Variants in ADAMTS12 observed in about 807,000 individuals in gnomAD.
ADAMTS12 encodes ADAM metallopeptidase with thrombospondin type 1 motif 12, also known as A disintegrin and metalloproteinase with thrombospondin motifs 12.
A neutral mutation model predicts 167.8 loss-of-function variants in ADAMTS12; 118 were observed. The ratio of observed to expected loss-of-function variants is 0.70; its 90% CI spans 0.61 to 0.82. ADAMTS12 has a LOEUF of 0.82. ADAMTS12 is among the 40% of genes least tolerant of loss of function. The pLI is 0.00. For missense variants in ADAMTS12, 1,916 were observed against 1,998.8 expected, an observed-to-expected ratio of 0.96 and a Z score of 0.79; for synonymous variants, 704 against 716.9, an observed-to-expected ratio of 0.98 and a Z score of 0.29.
intron 13 of ADAMTS12, 70 bp downstream of exon 13, chr5:33,630,710 C>T: frequency 2.6e-6 from 4 of 1,531,588 alleles, no homozygotes; most frequent in Non-Finnish European, 2.7e-6. Context: ...AAACCTAGAA[C>T]ATCTGACTTC....
chr5:33,576,409 CTGCTG>C lies in ADAMTS12; in HGVS notation c.3612_3616del (p.Ser1205GlyfsTer31). The C allele has an allele frequency of 6.2e-7, 1 of 1,613,752 alleles. No individual in the cohort carries two copies. Among genetic ancestry groups the C allele is most frequent in the Non-Finnish European group, 8.5e-7 (1 of 1,179,776 alleles). On this transcript the variant is annotated frameshift_variant, in exon 19 of 24. Transcript: ENST00000504830. LOFTEE classifies it high-confidence loss of function. ...GCTGAAGGGTGGCCACCAGGACTCC[CTGCTG>C]AGATCTGGTGTTAGTGGAGGTGCAA...
intron 16 of ADAMTS12, among the ~76,000 whole-genome samples, chr5:33,602,264 T>C (rs1738225677): frequency 6.6e-6 from 1 of 152,202 alleles, no homozygotes; most frequent in Non-Finnish European, 1.5e-5. Context: ...TAACAGACCA[T>C]TAGATTAGCC....
intron 2 of ADAMTS12, among the ~76,000 whole-genome samples, chr5:33,836,559 G>A (rs1388449431): frequency 1.3e-5 from 2 of 152,174 alleles, no homozygotes; most frequent in African/African-American, 4.8e-5. Context: ...TTACAGCAGG[G>A]GAGGCAGACA....
chr5:33,575,116 T>G (rs1159744632), intron 19 of ADAMTS12, among the ~76,000 whole-genome samples: 1 of 152,182 alleles, frequency 6.6e-6, no homozygotes, highest in African/African-American at 2.4e-5. Flanking sequence ...TCATGCTTAT[T>G]TTCTTCTTCC....
chr5:33,659,047 C>T (rs138703269), intron 6 of ADAMTS12, among the ~76,000 whole-genome samples: 6 of 152,244 alleles, frequency 3.9e-5, no homozygotes, highest in African/African-American at 1.4e-4. Context: ...GAGCTCTTTG[C>T]CAAGAGGGAC....
intron 2 of ADAMTS12, among the ~76,000 whole-genome samples, chr5:33,820,404 C>T (rs528420268): frequency 6.6e-6 from 1 of 152,296 alleles, no homozygotes; most frequent in African/African-American, 2.4e-5. Context: ...TTTGCATTTC[C>T]TATCCTGGAC....
chr5:33,871,275 A>G (rs2111735800), intron 2 of ADAMTS12, among the ~76,000 whole-genome samples: 1 of 152,306 alleles, frequency 6.6e-6, no homozygotes, highest in African/African-American at 2.4e-5. Flanking sequence ...CAAACATGTA[A>G]AGATAACTAA....
intron 3 of ADAMTS12, among the ~76,000 whole-genome samples, chr5:33,741,442 G>T (rs976149653): frequency 2.5e-4 from 38 of 152,216 alleles, no homozygotes; most frequent in Admixed American, 1.8e-3. Flanking sequence ...CCACTATAAT[G>T]ACCTTATTTT....
intron 20 of ADAMTS12, among the ~76,000 whole-genome samples, chr5:33,550,521 G>A (rs1232841300): frequency 3.3e-5 from 5 of 152,096 alleles, no homozygotes; most frequent in Non-Finnish European, 7.4e-5. Flanking sequence ...GGTTCTCCTC[G>A]GGTTAATACA....
intron 2 of ADAMTS12, among the ~76,000 whole-genome samples, chr5:33,853,870 TAACAAGCCCTC>T (rs1325954300): frequency 6.6e-6 from 1 of 152,226 alleles, no homozygotes; most frequent in Non-Finnish European, 1.5e-5. Flanking sequence ...TGTGCATTTC[TAACAAGCCCTC>T]AGGTGATGCC....
intron 2 of ADAMTS12, among the ~76,000 whole-genome samples, chr5:33,860,171 T>G (rs905159115): frequency 6.6e-6 from 1 of 152,102 alleles, no homozygotes; most frequent in South Asian, 2.1e-4. Context: ...CTTTGATGAA[T>G]TGACAAAAGT....
Position 33,643,417 on chromosome 5 carries a change from C to G in ADAMTS12, c.1533G>C (p.Leu511=). Reference sequence around the variant, plus strand: ...ATTGAGTTCCATCTGCAGCAGCGTCCAGCTTAGAGCGACAAAAGCCCTTCA... The same window carrying G: ...ATTGAGTTCCATCTGCAGCAGCGTCGAGCTTAGAGCGACAAAAGCCCTTCA... ...CSVKGFCRSK[L]DAAADGTQCG... The change falls in exon 10 of 24, where the codon CTG becomes CTC. Residue 511 remains leucine (L), a synonymous_variant. Transcript: ENST00000504830. 3 of 1,614,140 alleles carry G rather than the reference C, an allele frequency of 1.9e-6. No individual in the cohort carries two copies. The highest frequency in any genetic ancestry group is 2.5e-6 in the Non-Finnish European group (3 of 1,179,996).
chr5:33,617,006 G>A (rs190928601), intron 14 of ADAMTS12, among the ~76,000 whole-genome samples: 11 of 152,288 alleles, frequency 7.2e-5, no homozygotes, highest in African/African-American at 2.2e-4. Flanking sequence ...TTGGCATTGC[G>A]AAAGGAATTC....
chr5:33,601,108 T>A (rs796117155), intron 16 of ADAMTS12, among the ~76,000 whole-genome samples: 80 of 94,230 alleles, frequency 8.5e-4, no homozygotes, highest in African/African-American at 6.5e-3. Flanking sequence ...CATTTAAGAG[T>A]GTGTGTGTGT....
chr5:33,746,017 C>T (rs73086126), intron 3 of ADAMTS12, among the ~76,000 whole-genome samples: 7,114 of 152,138 alleles, frequency 0.047, 583 homozygotes, highest in African/African-American at 0.16. Flanking sequence ...TATGCACATG[C>T]CACCCCTCCA....
intron 2 of ADAMTS12, among the ~76,000 whole-genome samples, chr5:33,809,874 G>C (rs966943531): frequency 6.6e-6 from 1 of 150,880 alleles, no homozygotes; most frequent in African/African-American, 2.4e-5. Flanking sequence ...CAATTCTTTA[G>C]TAGAGACTGG....
At chr5:33,832,251 A>C (rs982974563) in intron 2 of ADAMTS12, among the ~76,000 whole-genome samples, 18 of 152,186 alleles carry the variant, frequency 1.2e-4, no homozygotes, top group African/African-American at 3.9e-4. Flanking sequence ...TTCATTCCCA[A>C]GTTGTGCCCC....
At chr5:33,559,771 C>A (rs1392317344) in intron 20 of ADAMTS12, among the ~76,000 whole-genome samples, 2 of 152,166 alleles carry the variant, frequency 1.3e-5, no homozygotes, top group African/African-American at 4.8e-5. Context: ...ATCCCAGCTA[C>A]CCGGAGGTTA....
chr5:33,680,920 C>T (rs989825761), intron 5 of ADAMTS12, among the ~76,000 whole-genome samples: 1 of 152,322 alleles, frequency 6.6e-6, no homozygotes, highest in African/African-American at 2.4e-5. Flanking sequence ...CTCTGCTGGA[C>T]ATAAATCATT....
Sources: allele counts gnomAD v4.1 joint callset (sites outside exome capture counted in the v4.1 genomes callset), GRCh38; gene constraint gnomAD v4.1.1; transcripts MANE v1.5; gene names NCBI Gene and HGNC (gene_info 2026-07-23, HGNC 2026-07-21).